The following TCTN2 variants were observed in gnomAD, a reference collection of about 807,000 sequenced individuals.
TCTN2 encodes the protein tectonic-2.
A neutral mutation model predicts 83.4 loss-of-function variants in TCTN2; 66 were observed. The observed-to-expected ratio is 0.79, with a 90% CI of 0.65 to 0.97. The LOEUF (loss-of-function observed/expected upper bound fraction) is 0.97, where lower values mean the gene tolerates loss of function less well. Ranked by LOEUF, TCTN2 falls within the 50% of genes least tolerant of loss-of-function variation. TCTN2 has a pLI of 0.00. For synonymous variants in TCTN2, 301 were observed against 326.7 expected, an observed-to-expected ratio of 0.92 and a Z score of 0.85; for missense variants, 794 against 858.1, an observed-to-expected ratio of 0.93 and a Z score of 0.93.
At position 123,707,002 on chromosome 12, in the gene TCTN2, C is replaced by T. The variant is rs1956237855; in HGVS notation, c.1913C>T (p.Thr638Ile). ...TTTTCTAGATTCCAGATCAATTATA[C>T]AGAGTATGACTGCAACAGAAATGAG... is the stretch of plus-strand genomic sequence containing the variant. ...HPLTRFQINY[T>I]EYDCNRNEVC... Residue 638 changes from threonine (T) to isoleucine (I), a missense_variant, in exon 17 of 18, where the codon ACA becomes ATA. By Grantham distance (89) the Thr-to-Ile change is moderately conservative (BLOSUM62 -1). Coordinates refer to ENST00000303372, the MANE Select transcript of TCTN2 (RefSeq NM_024809.5). 3 of 1,614,054 alleles carry T rather than the reference C, an allele frequency of 1.9e-6. No homozygotes were observed. The highest frequency in any genetic ancestry group is 2.5e-6 in the Non-Finnish European group (3 of 1,180,014).
chr12:123,679,239 C>T lies in TCTN2; in HGVS notation c.514C>T (p.Pro172Ser), dbSNP rs1470729366. The T allele has an allele frequency of 2.5e-6, 4 of 1,614,146 alleles. No homozygotes were observed. Among genetic ancestry groups the T allele is most frequent in the Non-Finnish European group, 3.4e-6 (4 of 1,179,994 alleles). The change falls in exon 5 of 18, where the codon CCT (proline) becomes TCT (serine). Residue 172 changes from proline to serine, a missense_variant. Coordinates refer to ENST00000303372, the MANE Select transcript of TCTN2 (RefSeq NM_024809.5). ...GGTGTATCAGCCCCTTGGCCCTTGT[C>T]CTTGTAATTTAACAGCTGGAGCCTG... is the stretch of plus-strand genomic sequence containing the variant. ...NQVYQPLGPC[P>S]CNLTAGACDV...
chr12:123,702,762 C>A (rs1956187299), intron 14 of TCTN2, among the ~76,000 whole-genome samples: 1 of 152,130 alleles, frequency 6.6e-6, no homozygotes, highest in Non-Finnish European at 1.5e-5. Flanking sequence ...GACGGAGAAC[C>A]CAGGTTGATG....
intron 6 of TCTN2, 60 bp downstream of exon 6, chr12:123,687,095 A>G: frequency 6.3e-7 from 1 of 1,578,926 alleles, no homozygotes; most frequent in South Asian, 1.1e-5. Flanking sequence ...GTGGGGCCAT[A>G]CTCTAGTAGG....
At chr12:123,682,254 G>A (rs541676448) in intron 5 of TCTN2, among the ~76,000 whole-genome samples, 1 of 152,298 alleles carries the variant, frequency 6.6e-6, no homozygotes, top group African/African-American at 2.4e-5. Flanking sequence ...TTATAGGCGT[G>A]AGCCACCATG....
At chr12:123,706,693 G>A (rs1235394193) in intron 15 of TCTN2, 33 bp from the exon 16 acceptor site, 1 of 1,613,592 alleles carries the variant, frequency 6.2e-7, no homozygotes, top group Non-Finnish European at 8.5e-7. Flanking sequence ...ACTGAATGGT[G>A]GCTATGCTGA....
intron 4 of TCTN2, among the ~76,000 whole-genome samples, chr12:123,674,315 G>C (rs1036712517): frequency 1.3e-4 from 20 of 151,880 alleles, no homozygotes; most frequent in African/African-American, 4.6e-4. Context: ...TCTGTCACCA[G>C]GCTGGAGTGC....
rs149186771 is a variant in TCTN2 at position 123,686,987 on chromosome 12, C to T, written c.716C>T (p.Ser239Phe). Reference sequence around the variant, plus strand: ...TGGTTTCCCTTTCTGTGTGTGCAGTCCCCCCTTGCCAACACACCCTTCCTT... The same window carrying T: ...TGGTTTCCCTTTCTGTGTGTGCAGTTCCCCCTTGCCAACACACCCTTCCTT... ...PDWFPFLCVQ[S>F]PLANTPFLGY... is the part of the protein sequence containing the mutation. Residue 239 changes from serine (S) to phenylalanine (F), a missense_variant, in exon 6 of 18, where the codon TCC becomes TTC. Coordinates refer to ENST00000303372, the MANE Select transcript of TCTN2 (RefSeq NM_024809.5). 4 of 1,613,996 alleles carry T rather than the reference C, an allele frequency of 2.5e-6. No homozygotes were observed. The highest frequency in any genetic ancestry group is 3.4e-6 in the Non-Finnish European group (4 of 1,180,044).
intron 15 of TCTN2, among the ~76,000 whole-genome samples, chr12:123,705,395 T>G (rs1956217415): frequency 6.6e-6 from 1 of 152,136 alleles, no homozygotes. Flanking sequence ...TCTCCTGACC[T>G]CATGATCCGC....
intron 2 of TCTN2, 109 bp downstream of exon 2, chr12:123,671,723 A>G: frequency 1.1e-6 from 1 of 918,438 alleles, no homozygotes; most frequent in South Asian, 1.4e-5. Context: ...GTTCTCTGCA[A>G]AGTCGCATGG....
intron 14 of TCTN2, among the ~76,000 whole-genome samples, chr12:123,701,783 G>C (rs1463806537): frequency 1.3e-5 from 2 of 152,000 alleles, no homozygotes; most frequent in African/African-American, 4.8e-5. Flanking sequence ...AATAATAGCA[G>C]GGATCATGGG....
intron 5 of TCTN2, among the ~76,000 whole-genome samples, chr12:123,684,200 C>T (rs978304282): frequency 1.3e-5 from 2 of 152,112 alleles, no homozygotes; most frequent in Non-Finnish European, 2.9e-5. Context: ...AGCTCATCCA[C>T]GCAGTCAATA....
In TCTN2 at chr12:123,708,344, C is replaced by G. The variant is rs1242138163; in HGVS notation, c.*631C>G. 1 of 153,082 alleles carries G rather than the reference C, an allele frequency of 6.5e-6. No individual in the cohort carries two copies. The highest frequency in any genetic ancestry group is 6.5e-5 in the Admixed American group (1 of 15,470). 9.5% of individuals were successfully genotyped at this position (153,082 alleles called of 1,614,324 possible). Reference sequence around the variant, plus strand: ...CTTGACTTCAGTGATTTGTTGTAGTCTTGTATGCTTCTCTATAAAATTTTA... The same window carrying G: ...CTTGACTTCAGTGATTTGTTGTAGTGTTGTATGCTTCTCTATAAAATTTTA... On this transcript the variant is annotated 3_prime_UTR_variant, in exon 18 of 18. Transcript: ENST00000303372.
At chr12:123,673,492 T>C (rs1955780922) in intron 3 of TCTN2, 123 bp from the exon 4 acceptor site, 1 of 927,066 alleles carries the variant, frequency 1.1e-6, no homozygotes, top group African/African-American at 1.6e-5. Context: ...GTCATCTCTG[T>C]ATACATTTCC....
At chr12:123,690,791 A>G (rs1422843303) in intron 8 of TCTN2, 117 bp downstream of exon 8, 7 of 1,294,146 alleles carry the variant, frequency 5.4e-6, no homozygotes, top group African/African-American at 1.5e-5. Context: ...TGAACTGCCA[A>G]TTATTTTCTT....
Position 123,707,889 on chromosome 12 carries a change from T to C in TCTN2, c.*176T>C. ...CCACGCCCGGCTAATTTTGTATTTT[T>C]AGTAGAGACAGGGTTCCACCGTATT... On this transcript the variant is annotated 3_prime_UTR_variant, in exon 18 of 18. Coordinates refer to ENST00000303372, the MANE Select transcript of TCTN2 (RefSeq NM_024809.5). 1 of 633,322 alleles carries C rather than the reference T, an allele frequency of 1.6e-6. No homozygotes were observed. The highest frequency in any genetic ancestry group is 2.8e-6 in the Non-Finnish European group (1 of 352,766). 39.2% of individuals were successfully genotyped at this position (633,322 alleles called of 1,614,324 possible). A position where few individuals can be genotyped will look rare whatever the true frequency, so the allele number is the denominator to read the frequency against.
chr12:123,689,548 G>T (rs894299414), intron 7 of TCTN2, among the ~76,000 whole-genome samples: 3 of 152,164 alleles, frequency 2.0e-5, no homozygotes, highest in Admixed American at 6.6e-5. Context: ...GGCTACATGA[G>T]CAGGTTTGTT....
At chr12:123,684,759 T>A (rs1398916790) in intron 5 of TCTN2, among the ~76,000 whole-genome samples, 1 of 151,794 alleles carries the variant, frequency 6.6e-6, no homozygotes, top group Admixed American at 6.6e-5. Context: ...ATTAAAAGAG[T>A]AAAGTACAGC....
chr12:123,699,768 T>A lies in TCTN2; in HGVS notation c.1570T>A (p.Ser524Thr). ...QATHVAMRGN[S>T]DYADLSDGWL... ...GACTCACGTTGCAATGAGAGGCAAC[T>A]CCGATTACGCTGATCTTAGTGATGG... is the stretch of plus-strand genomic sequence containing the variant. Residue 524 changes from serine (S) to threonine (T), a missense_variant, in exon 14 of 18, where the codon TCC becomes ACC. Ser to Thr is a moderately conservative substitution (Grantham distance 58). Transcript: ENST00000303372. 1 of 1,614,140 alleles carries A rather than the reference T, an allele frequency of 6.2e-7. No individual in the cohort carries two copies. The highest frequency in any genetic ancestry group is 8.5e-7 in the Non-Finnish European group (1 of 1,180,002).
At chr12:123,696,190 TAGTC>T (rs1248847561) in intron 11 of TCTN2, 3 of 529,858 alleles carry the variant, frequency 5.7e-6, no homozygotes, top group East Asian at 3.3e-5. Context: ...TTTTTTTACA[TAGTC>T]TGTTGTACAT....
Sources: allele counts gnomAD v4.1 joint callset (sites outside exome capture counted in the v4.1 genomes callset), GRCh38; gene constraint gnomAD v4.1.1; transcripts MANE v1.5; gene names NCBI Gene and HGNC (gene_info 2026-07-23, HGNC 2026-07-21).